CCNYL1: variants seen among roughly 807,000 people sequenced by gnomAD.
CCNYL1 encodes the protein cyclin-Y-like protein 1.
CCNYL1 carries 16 observed loss-of-function variants against 44.2 expected under a neutral mutation model. The observed-to-expected ratio is 0.36, with a 90% CI of 0.25 to 0.55. CCNYL1 has a LOEUF of 0.55. CCNYL1 is among the 20% of genes least tolerant of loss of function. The probability of loss-of-function intolerance (pLI) is 0.85; values close to 1 mark genes in which losing one functional copy is unlikely to be tolerated. For missense variants in CCNYL1, 348 were observed against 451.8 expected, an observed-to-expected ratio of 0.77 and a Z score of 2.08; for synonymous variants, 159 against 163.2, an observed-to-expected ratio of 0.97 and a Z score of 0.20.
At chr2:207,729,622 T>G (rs934969766) in intron 3 of CCNYL1, among the ~76,000 whole-genome samples, 2 of 152,024 alleles carry the variant, frequency 1.3e-5, no homozygotes, top group African/African-American at 2.4e-5. Flanking sequence ...TGGTGGGTCT[T>G]GTCTTGTCTT....
chr2:207,716,628 G>A (rs1485589572), intron 1 of CCNYL1, among the ~76,000 whole-genome samples: 2 of 152,096 alleles, frequency 1.3e-5, no homozygotes, highest in African/African-American at 4.8e-5. Flanking sequence ...GATGGTTGGA[G>A]TATCATTTAT....
intron 1 of CCNYL1, chr2:207,714,625 A>G (rs139412514): frequency 2.1e-5 from 4 of 189,140 alleles, no homozygotes; most frequent in Non-Finnish European, 4.5e-5. Flanking sequence ...GAATATTAGA[A>G]GCTGGCAAGA....
At chr2:207,712,496 A>G (rs1276021774) in intron 1 of CCNYL1, among the ~76,000 whole-genome samples, 5 of 152,106 alleles carry the variant, frequency 3.3e-5, no homozygotes, top group South Asian at 2.1e-4. Flanking sequence ...CGGAGTACTC[A>G]TCCCATTCCC....
At chr2:207,729,965 A>G (rs6734585) in intron 3 of CCNYL1, among the ~76,000 whole-genome samples, 23,626 of 151,718 alleles carry the variant, frequency 0.16, 3,040 homozygotes, top group East Asian at 0.38. Context: ...CACCCACCTC[A>G]GCCTCCCAAA....
intron 3 of CCNYL1, among the ~76,000 whole-genome samples, chr2:207,727,881 T>C (rs919644745): frequency 3.3e-5 from 5 of 152,138 alleles, no homozygotes; most frequent in Non-Finnish European, 7.3e-5. Flanking sequence ...CCGGAGTACA[T>C]TTTCCTGGGA....
At chr2:207,725,155 G>A (rs1177635934) in intron 2 of CCNYL1, among the ~76,000 whole-genome samples, 1 of 144,978 alleles carries the variant, frequency 6.9e-6, no homozygotes, top group Non-Finnish European at 1.5e-5. Flanking sequence ...AGAGGCTGGA[G>A]TGCCTTTATT....
In CCNYL1 at chr2:207,750,899, A is replaced by G. The variant is rs1404444885; in HGVS notation, c.807-58A>G. Reference sequence around the variant, plus strand: ...GTCTCTTAGAATGATATTTTTGAAGATAGCCCAGTTGACTGACATTGTCCT... The same window carrying G: ...GTCTCTTAGAATGATATTTTTGAAGGTAGCCCAGTTGACTGACATTGTCCT... On this transcript the variant is annotated intron_variant, in intron 8 of 9. Transcript: ENST00000295414. The G allele has an allele frequency of 2.8e-6, 4 of 1,452,718 alleles. No homozygotes were observed. In the East Asian group the frequency reaches 6.8e-5, roughly 25 times the overall value. 90.0% of individuals were successfully genotyped at this position (1,452,718 alleles called of 1,614,324 possible). A position where few individuals can be genotyped will look rare whatever the true frequency, so the allele number is the denominator to read the frequency against.
intron 1 of CCNYL1, among the ~76,000 whole-genome samples, chr2:207,723,028 A>G (rs1027736337): frequency 6.6e-6 from 1 of 152,144 alleles, no homozygotes. Context: ...TTTGTGCACA[A>G]ATGATTTTAT....
At chr2:207,727,956 C>T (rs1372571412) in intron 3 of CCNYL1, among the ~76,000 whole-genome samples, 2 of 150,224 alleles carry the variant, frequency 1.3e-5, no homozygotes, top group Admixed American at 1.3e-4. Flanking sequence ...ATTTCTTTCT[C>T]TCTCTCTCTT....
At position 207,732,594 on chromosome 2, in the gene CCNYL1, G is replaced by GTT. The variant is rs5838086; in HGVS notation, c.331-1344_331-1343dup. Among the ~76,000 whole-genome samples the GTT allele has an allele frequency of 2.7e-5, 4 of 149,408 alleles. No individual in the cohort carries two copies. In the South Asian group the frequency reaches 6.3e-4, roughly 24 times the overall value. On this transcript the variant is annotated intron_variant, in intron 3 of 9. Transcript: ENST00000295414. ...GAAGAAGGAAGGCTCATCTGAATTA[G>GTT]TTTTTTTTTTAAGTGTTAAAATTAT...
chr2:207,732,730 TG>T (rs2091737682), intron 3 of CCNYL1, among the ~76,000 whole-genome samples: 2 of 152,330 alleles, frequency 1.3e-5, no homozygotes, highest in African/African-American at 4.8e-5. Context: ...AGTATTTGAC[TG>T]TTGCACTCTT....
intron 2 of CCNYL1, among the ~76,000 whole-genome samples, chr2:207,726,360 A>G (rs1318906789): frequency 6.6e-6 from 1 of 152,228 alleles, no homozygotes; most frequent in African/African-American, 2.4e-5. Context: ...GTAACATACT[A>G]GTAGATGACC....
chr2:207,740,032 A>G (rs1478884667), intron 5 of CCNYL1, among the ~76,000 whole-genome samples: 1 of 152,124 alleles, frequency 6.6e-6, no homozygotes, highest in Non-Finnish European at 1.5e-5. Flanking sequence ...GACCTCAAGG[A>G]CCTCTTGGAA....
chr2:207,714,312 CTTTTTTTTT>C (rs60004559), intron 1 of CCNYL1: 9 of 310,012 alleles, frequency 2.9e-5, no homozygotes, highest in Middle Eastern at 1.1e-3. Flanking sequence ...ACTTACATCT[CTTTTTTTTT>C]TTTTTTTTTT....
At chr2:207,744,576 G>A (rs191886880) in intron 7 of CCNYL1, among the ~76,000 whole-genome samples, 17 of 150,762 alleles carry the variant, frequency 1.1e-4, no homozygotes, top group African/African-American at 4.2e-4. Flanking sequence ...CGCCATGTTG[G>A]TCAGGCTAGT....
At chr2:207,729,260 G>A (rs958161135) in intron 3 of CCNYL1, among the ~76,000 whole-genome samples, 1 of 38,550 alleles carries the variant, frequency 2.6e-5, no homozygotes, top group African/African-American at 1.5e-4. Context: ...GCCCCCCCCC[G>A]CCCCCACCCC....
At chr2:207,729,255 CCCCCGCCCCCACCCCA>C (rs1315140542) in intron 3 of CCNYL1, among the ~76,000 whole-genome samples, 1 of 104,612 alleles carries the variant, frequency 9.6e-6, no homozygotes. Context: ...TCTCCGCCCC[CCCCCGCCCCCACCCCA>C]CCCCCCCCAC....
chr2:207,743,544 G>C (rs1367851518), intron 7 of CCNYL1, among the ~76,000 whole-genome samples: 2 of 152,166 alleles, frequency 1.3e-5, no homozygotes, highest in African/African-American at 2.4e-5. Flanking sequence ...GAGTGCAGTA[G>C]TTTGAGTCCA....
chr2:207,722,080 T>C (rs2105820912), intron 1 of CCNYL1, among the ~76,000 whole-genome samples: 1 of 151,296 alleles, frequency 6.6e-6, no homozygotes, highest in East Asian at 1.9e-4. Context: ...TGGATTTTTT[T>C]TTTTTTTTTT....
Sources: gnomAD v4.1 joint callset for allele counts (sites outside exome capture counted in the v4.1 genomes callset) on GRCh38, gnomAD v4.1.1 for gene constraint, MANE v1.5 for transcripts, NCBI Gene and HGNC (gene_info 2026-07-23, HGNC 2026-07-21) for gene names.